HNRNPA3: variants seen among roughly 807,000 people sequenced by gnomAD.
HNRNPA3 encodes epididymis secretory sperm binding protein.
A neutral mutation model predicts 45.8 loss-of-function variants in HNRNPA3; 3 were observed. That is an observed-to-expected ratio of 0.07 (90% CI 0.03 to 0.17). HNRNPA3 has a LOEUF of 0.17. HNRNPA3 is among the 10% of genes least tolerant of loss of function. HNRNPA3 has a pLI of 1.00. For synonymous variants in HNRNPA3, 170 were observed against 155.6 expected, an observed-to-expected ratio of 1.09 and a Z score of -0.69; for missense variants, 183 against 480.3, an observed-to-expected ratio of 0.38 and a Z score of 5.79.
At chr2:177,223,149 C>T (rs1306993916), downstream of HNRNPA3, 3 of 152,140 alleles carry the variant, frequency 2.0e-5, no homozygotes, top group African/African-American at 4.8e-5. Context: ...AGCAGTTTGC[C>T]AGAGTTTAGT....
At chr2:177,222,217 C>G (rs1019439016), downstream of HNRNPA3, 3 of 152,540 alleles carry the variant, frequency 2.0e-5, no homozygotes, top group Non-Finnish European at 4.4e-5. Flanking sequence ...AACTTTGTCC[C>G]TCTCTAGTAG....
chr2:177,220,761 ATGT>A (rs368131479), downstream of HNRNPA3: 3 of 152,758 alleles, frequency 2.0e-5, no homozygotes, highest in East Asian at 1.9e-4. Context: ...AACATAAATC[ATGT>A]TGTTACCAAT....
In HNRNPA3 at chr2:177,217,634, C is replaced by G. The variant is rs990938296; in HGVS notation, c.821-71C>G. On this transcript the variant is annotated intron_variant, in intron 7 of 10. Transcript: ENST00000392524. ...AGAGCAAGACCCAGTCTCTTACACACACACCAGAATTGAATAACGTGACTA... is the reference window on the plus strand; with the variant it reads ...AGAGCAAGACCCAGTCTCTTACACAGACACCAGAATTGAATAACGTGACTA... 5.1e-5 allele frequency: 80 copies of G among 1,581,234 alleles called. No homozygotes were observed. In the African/African-American group the frequency reaches 6.2e-4, roughly 12 times the overall value.
At chr2:177,217,825 A>G (rs201208132) in exon 8 of HNRNPA3, 3 of 1,585,552 alleles carry the variant, frequency 1.9e-6, no homozygotes, top group East Asian at 2.3e-5. Context: ...GGTTACAATG[A>G]AGGAGGAAAT....
intron 1 of HNRNPA3, among the ~76,000 whole-genome samples, chr2:177,213,567 C>A (rs916327762): frequency 1.3e-5 from 2 of 152,170 alleles, no homozygotes; most frequent in Admixed American, 6.5e-5. Context: ...TAAAATACTT[C>A]CTGATATATT....
exon 4 of HNRNPA3, chr2:177,216,049 A>G (rs372360744): frequency 5.7e-6 from 9 of 1,575,470 alleles, no homozygotes; most frequent in African/African-American, 2.7e-5. Flanking sequence ...AAGATACAGA[A>G]GAATATAATT....
chr2:177,218,357 C>CA (rs1299357124), intron 8 of HNRNPA3, among the ~76,000 whole-genome samples: 3 of 152,182 alleles, frequency 2.0e-5, no homozygotes, highest in Non-Finnish European at 4.4e-5. Flanking sequence ...CCACTGCACT[C>CA]AGCCAAATGT....
At chr2:177,222,081 C>A (rs547245944), downstream of HNRNPA3, 2 of 152,584 alleles carry the variant, frequency 1.3e-5, no homozygotes, top group East Asian at 1.9e-4. Flanking sequence ...ACCCTACTTG[C>A]CTAAATGAGG....
Position 177,215,530 on chromosome 2 carries a change from TTC to T in HNRNPA3, c.73-4_73-3del. 1 of 1,613,814 alleles carries T rather than the reference TTC, an allele frequency of 6.2e-7. No individual in the cohort carries two copies. The highest frequency in any genetic ancestry group is 8.5e-7 in the Non-Finnish European group (1 of 1,179,762). On this transcript the variant is annotated splice_region_variant and splice_polypyrimidine_tract_variant and intron_variant, in intron 1 of 10. Coordinates refer to ENST00000392524, the Ensembl canonical transcript of HNRNPA3. ...AAGGTAACTTAAGAGTATTGGTTCTTTCTCTCAGGGCCATGATCCAAAGGAAC... is the reference window on the plus strand; with the variant it reads ...AAGGTAACTTAAGAGTATTGGTTCTTTCTCAGGGCCATGATCCAAAGGAAC...
intron 1 of HNRNPA3, 21 bp downstream of exon 1, chr2:177,212,892 G>C (rs760811975): frequency 4.2e-6 from 6 of 1,423,806 alleles, no homozygotes; most frequent in Admixed American, 4.6e-5. Context: ...GAGAGCGGGG[G>C]GTTGGTGGGG....
chr2:177,217,792 A>G, exon 8 of HNRNPA3: 1 of 1,612,520 alleles, frequency 6.2e-7, no homozygotes, highest in Non-Finnish European at 8.5e-7. Context: ...GGTGGTGGAT[A>G]TGGTGGAGGT....
chr2:177,213,235 G>GGCGA (rs1196250618), intron 1 of HNRNPA3, among the ~76,000 whole-genome samples: 2 of 152,208 alleles, frequency 1.3e-5, no homozygotes, highest in Admixed American at 6.5e-5. Context: ...GGCACATCCG[G>GGCGA]GCGAGCGAGC....
Position 177,216,196 on chromosome 2 carries a change from G to A in HNRNPA3, c.553+8G>A. On this transcript the variant is annotated splice_region_variant and intron_variant, in intron 4 of 10. Transcript: ENST00000392524. ...CAGTTGATAAAATTGTTGGTAAGTAGCAATTTATGGTAACTTGAATGAGAA... is the reference window on the plus strand; with the variant it reads ...CAGTTGATAAAATTGTTGGTAAGTAACAATTTATGGTAACTTGAATGAGAA... The A allele has an allele frequency of 6.6e-7, 1 of 1,513,182 alleles. No individual in the cohort carries two copies. The allele number at this position is 1,513,182 out of a possible 1,614,324, so 93.7% of individuals were successfully genotyped here.
chr2:177,217,034 C>A (rs971790836), intron 7 of HNRNPA3, 94 bp downstream of exon 7: 17 of 1,272,022 alleles, frequency 1.3e-5, no homozygotes, highest in Non-Finnish European at 1.8e-5. Flanking sequence ...GTTAAAACTT[C>A]AGTGGCTAAA....
In HNRNPA3 at chr2:177,212,956, G is replaced by C; in HGVS notation, c.72+85G>C. The C allele has an allele frequency of 3.3e-6, 3 of 918,104 alleles. No individual in the cohort carries two copies. In the East Asian group the frequency reaches 9.7e-5, roughly 30 times the overall value. The allele number at this position is 918,104 out of a possible 1,614,324, so 56.9% of individuals were successfully genotyped here. On this transcript the variant is annotated intron_variant, in intron 1 of 10. Transcript: ENST00000392524. ...TGGGAGCGGGGAGGCCGGGTGGACC[G>C]GGTCGGCCGTCCCGCGCTCTTGCGT...
chr2:177,213,122 G>C (rs1430485913), intron 1 of HNRNPA3, among the ~76,000 whole-genome samples: 1 of 151,544 alleles, frequency 6.6e-6, no homozygotes, highest in African/African-American at 2.4e-5. Flanking sequence ...GAGGGAAGCC[G>C]GCCTGCCGGC....
intron 1 of HNRNPA3, among the ~76,000 whole-genome samples, chr2:177,214,371 T>G (rs1444184698): frequency 6.6e-6 from 1 of 152,248 alleles, no homozygotes; most frequent in African/African-American, 2.4e-5. Flanking sequence ...GCTTTTTTTT[T>G]TCCTCAGTTT....
At chr2:177,216,278 C>A in intron 4 of HNRNPA3, 90 bp downstream of exon 4, 3 of 874,362 alleles carry the variant, frequency 3.4e-6, no homozygotes, top group Non-Finnish European at 5.3e-6. Flanking sequence ...TTTTCTGTTG[C>A]GTGTAATGGC....
chr2:177,213,584 A>G (rs6746657), intron 1 of HNRNPA3, among the ~76,000 whole-genome samples: 3,004 of 152,330 alleles, frequency 0.02, 102 homozygotes, highest in African/African-American at 0.068. Context: ...TATTTTTGCT[A>G]AAGTACTTAC....
Sources: allele counts gnomAD v4.1 joint callset (sites outside exome capture counted in the v4.1 genomes callset), GRCh38; gene constraint gnomAD v4.1.1; transcripts MANE v1.5; gene names NCBI Gene and HGNC (gene_info 2026-07-23, HGNC 2026-07-21).